Variants in FERMT1 observed in about 807,000 individuals in gnomAD.
FERMT1 encodes the protein fermitin family homolog 1.
A neutral mutation model predicts 85.3 loss-of-function variants in FERMT1; 60 were observed. That is an observed-to-expected ratio of 0.70 (90% CI 0.57 to 0.87). The LOEUF is 0.87. Ranked by LOEUF, FERMT1 falls within the 40% of genes least tolerant of loss-of-function variation. FERMT1 has a pLI of 0.00. For missense variants in FERMT1, 701 were observed against 818.9 expected (o/e 0.86, Z 1.76); for synonymous variants, 275 against 301.1 (o/e 0.91, Z 0.90).
At chr20:6,120,382 A>C (rs575745168) in intron 1 of FERMT1, 2 of 152,312 alleles carry the variant, frequency 1.3e-5, no homozygotes, top group East Asian at 3.9e-4. Context: ...TAAAAAGCTC[A>C]CTCTTCAAAG....
At chr20:6,090,042 T>C (rs1310953716) in intron 9 of FERMT1, among the ~76,000 whole-genome samples, 1 of 152,062 alleles carries the variant, frequency 6.6e-6, no homozygotes, top group African/African-American at 2.4e-5. Flanking sequence ...GGTGTTCCTC[T>C]TGGAGAAGAG....
intron 13 of FERMT1, among the ~76,000 whole-genome samples, chr20:6,082,201 G>A (rs1295723812): frequency 3.3e-5 from 5 of 152,212 alleles, no homozygotes; most frequent in Admixed American, 2.6e-4. Flanking sequence ...GGAAGTAGCT[G>A]GTAAAGGAGG....
intron 13 of FERMT1, among the ~76,000 whole-genome samples, chr20:6,080,926 T>C (rs1457722559): frequency 6.6e-6 from 1 of 152,102 alleles, no homozygotes; most frequent in Non-Finnish European, 1.5e-5. Context: ...AATTGGCATA[T>C]AAATGAAGTC....
chr20:6,112,068 G>A (rs1982966746), intron 4 of FERMT1, among the ~76,000 whole-genome samples: 1 of 151,908 alleles, frequency 6.6e-6, no homozygotes, highest in African/African-American at 2.4e-5. Context: ...TGGAGATGGA[G>A]TCTCACCATA....
intron 1 of FERMT1, chr20:6,120,275 T>G (rs1039967368): frequency 1.3e-5 from 2 of 152,230 alleles, no homozygotes; most frequent in African/African-American, 2.4e-5. Flanking sequence ...TTCGATTTAC[T>G]TATTGTTCTA....
chr20:6,077,459 G>T (rs982268675), intron 14 of FERMT1, 113 bp from the exon 15 acceptor site: 10 of 951,450 alleles, frequency 1.1e-5, no homozygotes, highest in Non-Finnish European at 1.5e-5. Flanking sequence ...ATAACAGATG[G>T]ATATCCCTCT....
intron 14 of FERMT1, among the ~76,000 whole-genome samples, chr20:6,077,750 G>A (rs1981871219): frequency 1.3e-5 from 2 of 151,680 alleles, no homozygotes; most frequent in Non-Finnish European, 2.9e-5. Flanking sequence ...GCACGATCTC[G>A]GGCCACTGCA....
At position 6,077,151 on chromosome 20, in the gene FERMT1, G is replaced by T; in HGVS notation, c.*22C>A. The T allele has an allele frequency of 6.2e-7, 1 of 1,612,754 alleles. No homozygotes were observed. The highest frequency in any genetic ancestry group is 1.1e-5 in the South Asian group (1 of 90,998). ...CGCCTTTGGCTTGCCTTGTTGGTGT[G>T]AGCCGAGCACGCGTGCTTGTTTCAA... On this transcript the variant is annotated 3_prime_UTR_variant, in exon 15 of 15. Transcript: ENST00000217289.
rs1419450462 is a variant in FERMT1, at chr20:6,085,125, C to T, written c.1534G>A (p.Asp512Asn). 1 of 1,614,194 alleles carries T rather than the reference C, an allele frequency of 6.2e-7. No homozygotes were observed. The highest frequency in any genetic ancestry group is 1.1e-5 in the South Asian group (1 of 91,084). Residue 512 changes from aspartate (D) to asparagine (N), a missense_variant, in exon 12 of 15, where the codon GAT becomes AAT. Asp to Asn is a conservative substitution (Grantham distance 23). Transcript: ENST00000217289. The part of the protein sequence containing the change: ...SQVASSLENM[D>N]MNPECFVSPR... The stretch of plus-strand genomic sequence containing the variant: ...GACACAAAACATTCTGGGTTCATAT[C>T]CATGTTTTCGAGACTGGAAGCCACC...
At chr20:6,087,082 T>C (rs1982209056) in intron 11 of FERMT1, among the ~76,000 whole-genome samples, 1 of 152,116 alleles carries the variant, frequency 6.6e-6, no homozygotes, top group Non-Finnish European at 1.5e-5. Context: ...ACTTCATGCC[T>C]AAGCTTTAGG....
At chr20:6,119,675 T>C in intron 1 of FERMT1, 103 bp from the exon 2 acceptor site, 1 of 911,474 alleles carries the variant, frequency 1.1e-6, no homozygotes, top group East Asian at 2.6e-5. Flanking sequence ...TTTTTCATTG[T>C]AACCTCCTCT....
intron 14 of FERMT1, among the ~76,000 whole-genome samples, chr20:6,078,623 C>A (rs1394366742): frequency 6.7e-6 from 1 of 149,648 alleles, no homozygotes; most frequent in Non-Finnish European, 1.5e-5. Context: ...TCACACCTGG[C>A]TAGTTCAGCG....
rs1338151918 is a variant in FERMT1 at position 6,115,082 on chromosome 20, A to G, written c.385+729T>C. ...TAGTTTATGGTTTAATGGGAAAAATAGATTACTCACTATATATCACTATAT... is the reference window on the plus strand; with the variant it reads ...TAGTTTATGGTTTAATGGGAAAAATGGATTACTCACTATATATCACTATAT... On this transcript the variant is annotated intron_variant, in intron 3 of 14. Transcript: ENST00000217289. Among the ~76,000 whole-genome samples, 9 of 152,218 alleles carry G rather than the reference A, an allele frequency of 5.9e-5. 1 individual carries two copies. In the East Asian group the frequency reaches 1.7e-3, roughly 29 times the overall value.
chr20:6,079,895 T>G (rs989546306), intron 13 of FERMT1, among the ~76,000 whole-genome samples: 4 of 152,172 alleles, frequency 2.6e-5, no homozygotes, highest in Non-Finnish European at 5.9e-5. Flanking sequence ...GGAGATATAG[T>G]AGTAAACTAA....
chr20:6,112,414 A>C (rs770637906), intron 4 of FERMT1, 63 bp downstream of exon 4: 148 of 1,506,060 alleles, frequency 9.8e-5, no homozygotes, highest in Non-Finnish European at 1.3e-4. Flanking sequence ...GGGAGGAGAG[A>C]TATATTTCTC....
intron 11 of FERMT1, among the ~76,000 whole-genome samples, chr20:6,086,195 G>T (rs1982180597): frequency 1.3e-5 from 2 of 151,534 alleles, no homozygotes; most frequent in African/African-American, 4.8e-5. Flanking sequence ...GCACAGATAG[G>T]TGGTGAAACC....
At chr20:6,092,621 C>A (rs907214149) in intron 9 of FERMT1, among the ~76,000 whole-genome samples, 1 of 152,164 alleles carries the variant, frequency 6.6e-6, no homozygotes, top group Non-Finnish European at 1.5e-5. Context: ...TTCATTTCCA[C>A]ACAGAACCCC....
chr20:6,116,177 A>G (rs1204943037), intron 2 of FERMT1, 133 bp from the exon 3 acceptor site: 2 of 721,194 alleles, frequency 2.8e-6, no homozygotes, highest in Non-Finnish European at 4.8e-6. Context: ...ATGGCCTTTT[A>G]CAATTCAAGG....
Position 6,076,180 on chromosome 20 carries a change from C to A in FERMT1, c.*993G>T. 1 of 294,834 alleles carries A rather than the reference C, an allele frequency of 3.4e-6. No homozygotes were observed. Among genetic ancestry groups the A allele is most frequent in the Non-Finnish European group, 6.7e-6 (1 of 148,468 alleles). 18.3% of individuals were successfully genotyped at this position (294,834 alleles called of 1,614,324 possible). On this transcript the variant is annotated 3_prime_UTR_variant, in exon 15 of 15. Transcript: ENST00000217289. The stretch of plus-strand genomic sequence containing the variant: ...CCCATGACCCAGACCAGCCTAAAGC[C>A]CCTGTGGGGGCAGCCAGTGGGGAGC...
Sources: allele counts gnomAD v4.1 joint callset (sites outside exome capture counted in the v4.1 genomes callset), GRCh38; gene constraint gnomAD v4.1.1; transcripts MANE v1.5; gene names NCBI Gene and HGNC (gene_info 2026-07-23, HGNC 2026-07-21).